The following MTMR2 variants were observed in gnomAD, a reference collection of about 807,000 sequenced individuals.
MTMR2 encodes myotubularin related protein 2.
In MTMR2, 55 loss-of-function variants were observed where a neutral mutation model predicts 86.9. That is an observed-to-expected ratio of 0.63 (90% CI 0.51 to 0.79). MTMR2 has a LOEUF of 0.79. Among genes scored for constraint, MTMR2 ranks in the 30% least tolerant of loss-of-function variants. The pLI is 0.00. For missense variants in MTMR2, 659 were observed against 772.3 expected (o/e 0.85, Z 1.74); for synonymous variants, 241 against 266.8 (o/e 0.90, Z 0.94).
chr11:95,859,565 C>T (rs112803904), intron 5 of MTMR2, among the ~76,000 whole-genome samples: 5,291 of 152,102 alleles, frequency 0.035, 145 homozygotes, highest in South Asian at 0.09. Context: ...TCTTATCTAC[C>T]GACATTCTTT....
Position 95,858,402 on chromosome 11 carries a change from T to C in MTMR2, c.570+129A>G. On this transcript the variant is annotated intron_variant, in intron 6 of 14. Transcript: ENST00000346299. ...TTGATCTAAGAGACTAAGTTACACT[T>C]ACACTATACATCTGGTTAAATGTCA... 5.6e-6 allele frequency: 4 copies of C among 719,252 alleles called. No individual in the cohort carries two copies. In the Admixed American group the frequency reaches 8.0e-5, roughly 14 times the overall value. 44.6% of individuals were successfully genotyped at this position (719,252 alleles called of 1,614,324 possible).
At chr11:95,884,452 T>C (rs1591021580) in intron 2 of MTMR2, among the ~76,000 whole-genome samples, 1 of 152,190 alleles carries the variant, frequency 6.6e-6, no homozygotes, top group East Asian at 1.9e-4. Flanking sequence ...CCTAGTAATG[T>C]ATCCTACAAG....
At chr11:95,859,739 G>T (rs1864338732) in intron 5 of MTMR2, among the ~76,000 whole-genome samples, 1 of 151,970 alleles carries the variant, frequency 6.6e-6, no homozygotes, top group African/African-American at 2.4e-5. Context: ...TTTTACCTAG[G>T]CAGAATTCAA....
intron 10 of MTMR2, among the ~76,000 whole-genome samples, chr11:95,847,129 C>T (rs1209029596): frequency 1.3e-5 from 2 of 152,138 alleles, no homozygotes; most frequent in African/African-American, 2.4e-5. Flanking sequence ...ATGTGCTCTG[C>T]GAATGACTTA....
chr11:95,851,819 A>G (rs914501748), intron 7 of MTMR2, among the ~76,000 whole-genome samples: 2 of 152,244 alleles, frequency 1.3e-5, no homozygotes, highest in Admixed American at 1.3e-4. Context: ...ATATTAGAAA[A>G]GTAAGGGAGG....
At chr11:95,898,051 C>T (rs556321934) in intron 1 of MTMR2, among the ~76,000 whole-genome samples, 1 of 152,206 alleles carries the variant, frequency 6.6e-6, no homozygotes, top group Non-Finnish European at 1.5e-5. Context: ...TGACAGCAAA[C>T]TCCTTTTTCT....
intron 7 of MTMR2, among the ~76,000 whole-genome samples, chr11:95,852,676 C>T (rs889877514): frequency 3.3e-5 from 5 of 152,200 alleles, no homozygotes; most frequent in Non-Finnish European, 7.3e-5. Context: ...TGCTCATTAA[C>T]TTTATACAGA....
Position 95,868,913 on chromosome 11 carries a change from C to G in MTMR2, c.187-3237G>C, listed in dbSNP as rs534425185. On this transcript the variant is annotated intron_variant, in intron 2 of 14. Coordinates refer to ENST00000346299, the MANE Select transcript of MTMR2 (RefSeq NM_016156.6). ...GCAGCAGGAAGTCATTCTCAGATAG[C>G]CAGGTCTCAGAAAATACAACCCAGA... Among the ~76,000 whole-genome samples, 3 of 150,818 alleles carry G rather than the reference C, an allele frequency of 2.0e-5. No homozygotes were observed. In the East Asian group the frequency reaches 5.8e-4, roughly 29 times the overall value.
intron 7 of MTMR2, among the ~76,000 whole-genome samples, chr11:95,853,048 T>C (rs1864081093): frequency 6.7e-6 from 1 of 149,146 alleles, no homozygotes; most frequent in Non-Finnish European, 1.5e-5. Flanking sequence ...ATATATAATA[T>C]ATATATATAT....
intron 11 of MTMR2, 68 bp from the exon 12 acceptor site, chr11:95,841,777 T>A (rs191128104): frequency 5.7e-5 from 74 of 1,300,106 alleles, no homozygotes; most frequent in Middle Eastern, 3.7e-4. Flanking sequence ...AATAATTTTT[T>A]AAAAAAATAA....
rs1863148298 is a variant in MTMR2, at chr11:95,834,180, T to C, written c.*1110A>G. 6.6e-6 allele frequency: 1 copy of C among 152,512 alleles called. No homozygotes were observed. Among genetic ancestry groups the C allele is most frequent in the Admixed American group, 6.6e-5 (1 of 15,230 alleles). The allele number at this position is 152,512 out of a possible 1,614,324, so 9.4% of individuals were successfully genotyped here. A position where few individuals can be genotyped will look rare whatever the true frequency, so the allele number is the denominator to read the frequency against. On this transcript the variant is annotated 3_prime_UTR_variant, in exon 15 of 15. Coordinates refer to ENST00000346299, the MANE Select transcript of MTMR2 (RefSeq NM_016156.6). ...CAGTACATTACATATGGCTCTTATG[T>C]AGAATAAAATAGACATCAGAGTCAA...
chr11:95,896,194 C>T (rs987885446), intron 1 of MTMR2, among the ~76,000 whole-genome samples: 2 of 152,136 alleles, frequency 1.3e-5, no homozygotes, highest in Non-Finnish European at 2.9e-5. Context: ...TCAGATGCCC[C>T]AGACAAAACC....
intron 5 of MTMR2, among the ~76,000 whole-genome samples, chr11:95,860,043 GA>G (rs1864351725): frequency 6.6e-6 from 1 of 152,090 alleles, no homozygotes; most frequent in Admixed American, 6.5e-5. Context: ...CTGTTCCATG[GA>G]AAGAAATTAT....
chr11:95,923,796 T>G (rs1489210227), intron 1 of MTMR2, 79 bp downstream of exon 1: 3 of 1,517,186 alleles, frequency 2.0e-6, no homozygotes, highest in Non-Finnish European at 2.7e-6. Flanking sequence ...ATCCGCGAAT[T>G]GGGGCAACAA....
In MTMR2 at chr11:95,898,757, T is replaced by C. The variant is rs187124831; in HGVS notation, c.81-10496A>G. ...AACAATGCTGTATATGAAAAGTTCA[T>C]ATAAAGTTTTAATTTAGAGGCTCGA... is the stretch of plus-strand genomic sequence containing the variant. On this transcript the variant is annotated intron_variant, in intron 1 of 14. Transcript: ENST00000346299. Among the ~76,000 whole-genome samples the C allele has an allele frequency of 1.5e-3, 224 of 152,244 alleles. 1 individual carries two copies. Among genetic ancestry groups the C allele is most frequent in the African/African-American group, 5.1e-3 (212 of 41,558 alleles).
At chr11:95,835,592 C>G in intron 14 of MTMR2, 141 bp from the exon 15 acceptor site, 1 of 834,012 alleles carries the variant, frequency 1.2e-6, no homozygotes, top group Non-Finnish European at 2.0e-6. Flanking sequence ...AAATTAAATA[C>G]CGGGACTGTG....
chr11:95,850,424 CTCTT>C (rs1312840938), intron 8 of MTMR2, among the ~76,000 whole-genome samples, 172 bp downstream of exon 8: 1 of 152,148 alleles, frequency 6.6e-6, no homozygotes, highest in Non-Finnish European at 1.5e-5. Flanking sequence ...CTCTGGAAGC[CTCTT>C]TAAGTCTTTC....
chr11:95,865,453 A>T, intron 3 of MTMR2, 148 bp downstream of exon 3: 2 of 792,320 alleles, frequency 2.5e-6, no homozygotes, highest in South Asian at 2.8e-5. Flanking sequence ...TGTAGAACAC[A>T]CTAAGATGCT....
At chr11:95,912,087 GTTT>G (rs67486618) in intron 1 of MTMR2, among the ~76,000 whole-genome samples, 39,671 of 141,692 alleles carry the variant, frequency 0.28, 6,416 homozygotes, top group Non-Finnish European at 0.37. Flanking sequence ...ACACAGGTGG[GTTT>G]TTTTTTTTTT....
Sources: gnomAD v4.1 joint callset for allele counts (sites outside exome capture counted in the v4.1 genomes callset) on GRCh38, gnomAD v4.1.1 for gene constraint, MANE v1.5 for transcripts, NCBI Gene and HGNC (gene_info 2026-07-23, HGNC 2026-07-21) for gene names.